The following PIEZO2 variants were observed in gnomAD, a reference collection of about 807,000 sequenced individuals.
The protein encoded by PIEZO2 is piezo type mechanosensitive ion channel component 2.
Under a neutral mutation model 337.3 loss-of-function variants are expected in PIEZO2, and 172 were observed. That is an observed-to-expected ratio of 0.51 (90% CI 0.45 to 0.58). The LOEUF (loss-of-function observed/expected upper bound fraction) is 0.58, where lower values mean the gene tolerates loss of function less well. Ranked by LOEUF, PIEZO2 falls within the 20% of genes least tolerant of loss-of-function variation. The pLI, the probability that PIEZO2 is intolerant of heterozygous loss-of-function variation, is 0.00. For missense variants in PIEZO2, 3,028 were observed against 3,391.3 expected, an observed-to-expected ratio of 0.89 and a Z score of 2.66; for synonymous variants, 1,251 against 1,228.5, an observed-to-expected ratio of 1.02 and a Z score of -0.38.
intron 1 of PIEZO2, among the ~76,000 whole-genome samples, chr18:11,124,823 C>T (rs1022126870): frequency 2.0e-5 from 3 of 152,152 alleles, no homozygotes; most frequent in African/African-American, 7.2e-5. Flanking sequence ...CCATTTTAAG[C>T]GCTGGATCGT....
rs571724271 is a variant in PIEZO2 at position 10,923,267 on chromosome 18, G to A, written c.287-12039C>T. Among the ~76,000 whole-genome samples, 17 of 152,218 alleles carry A rather than the reference G, an allele frequency of 1.1e-4. 1 individual carries two copies. In the South Asian group the frequency reaches 1.9e-3, roughly 17 times the overall value. ...TAAGACGCTTGCATAAGATTTCATC[G>A]TACTCATTCTTACATGAACTTCATG... is the stretch of plus-strand genomic sequence containing the variant. On this transcript the variant is annotated intron_variant, in intron 3 of 55. Coordinates refer to ENST00000674853, the MANE Select transcript of PIEZO2 (RefSeq NM_001378183.1).
chr18:10,961,738 T>A (rs1436390110), intron 3 of PIEZO2, among the ~76,000 whole-genome samples: 1 of 151,980 alleles, frequency 6.6e-6, no homozygotes, highest in East Asian at 1.9e-4. Context: ...GAAATCCAAC[T>A]CCACAAAGAG....
In PIEZO2 at chr18:10,832,296, C is replaced by T. The variant is rs139528425; in HGVS notation, c.917+23057G>A. Among the ~76,000 whole-genome samples the T allele has an allele frequency of 3.6e-4, 54 of 152,042 alleles. No homozygotes were observed. The East Asian group carries it at 9.5e-3, about 27-fold the overall frequency. On this transcript the variant is annotated intron_variant, in intron 7 of 55. Transcript: ENST00000674853. ...GGAAATACTCTCATTAGGCCTAGAA[C>T]ATTTCTACTTTCTCATTAGAATTTA...
intron 3 of PIEZO2, among the ~76,000 whole-genome samples, chr18:10,960,041 A>G (rs780515078): frequency 6.6e-6 from 1 of 152,162 alleles, no homozygotes; most frequent in Non-Finnish European, 1.5e-5. Flanking sequence ...CAAGTCCACA[A>G]ATTATCAAAT....
Position 10,846,401 on chromosome 18 carries a change from T to C in PIEZO2, c.917+8952A>G, listed in dbSNP as rs2041364712. 6.6e-6 allele frequency among the ~76,000 whole-genome samples: 1 copy of C among 152,118 alleles called. No individual in the cohort carries two copies. The highest frequency in any genetic ancestry group is 6.6e-5 in the Admixed American group (1 of 15,260). On this transcript the variant is annotated intron_variant, in intron 7 of 55. Coordinates refer to ENST00000674853, the MANE Select transcript of PIEZO2 (RefSeq NM_001378183.1). The surrounding 1 kb of genome is among the most constrained non-coding windows in gnomAD (Gnocchi z 4.1). ...CACCGGGGATGAGATTTGGGTGGGG[T>C]CATAGCAAAACCTATCACTTAGAGT...
At chr18:11,082,216 A>T (rs1190269711) in intron 1 of PIEZO2, among the ~76,000 whole-genome samples, 1 of 152,226 alleles carries the variant, frequency 6.6e-6, no homozygotes, top group Non-Finnish European at 1.5e-5. Context: ...TGACAACTTA[A>T]TTAGGATGGC....
chr18:10,770,927 C>T (rs888774354), intron 20 of PIEZO2, among the ~76,000 whole-genome samples: 2 of 152,080 alleles, frequency 1.3e-5, no homozygotes, highest in East Asian at 1.9e-4. Context: ...AATAGGATCT[C>T]GTCATGTTGG....
At chr18:10,778,364 G>T (rs914952027) in intron 18 of PIEZO2, among the ~76,000 whole-genome samples, 8 of 98,696 alleles carry the variant, frequency 8.1e-5, no homozygotes, top group African/African-American at 2.0e-4. Context: ...AGAGGGAGTC[G>T]CTCTGTCGCC....
At chr18:10,963,152 G>T (rs2033855569) in intron 3 of PIEZO2, among the ~76,000 whole-genome samples, 1 of 152,082 alleles carries the variant, frequency 6.6e-6, no homozygotes, top group African/African-American at 2.4e-5. Flanking sequence ...GGGCACGGTG[G>T]CATGCTTCTG....
At chr18:10,851,848 T>C (rs2041563115) in intron 7 of PIEZO2, among the ~76,000 whole-genome samples, 1 of 152,150 alleles carries the variant, frequency 6.6e-6, no homozygotes, top group Admixed American at 6.5e-5. Context: ...CTTAACTATT[T>C]ACTAAGCTTT....
At position 10,815,926 on chromosome 18, in the gene PIEZO2, T is replaced by C. The variant is rs1278228762; in HGVS notation, c.918-8652A>G. On this transcript the variant is annotated intron_variant, in intron 7 of 55. Coordinates refer to ENST00000674853, the MANE Select transcript of PIEZO2 (RefSeq NM_001378183.1). The surrounding 1 kb of genome is among the most constrained non-coding windows in gnomAD (Gnocchi z 4.1). The stretch of plus-strand genomic sequence containing the variant: ...ATTCGCTCCTTACAGGTCCACAAAA[T>C]TGCACCCAGCACACGTCAGTGGAGT... 6.6e-6 allele frequency among the ~76,000 whole-genome samples: 1 copy of C among 152,094 alleles called. No homozygotes were observed. The highest frequency in any genetic ancestry group is 1.5e-5 in the Non-Finnish European group (1 of 68,018).
At chr18:10,683,139 C>G (rs758213585) in intron 49 of PIEZO2, among the ~76,000 whole-genome samples, 16 of 152,370 alleles carry the variant, frequency 1.1e-4, no homozygotes, top group Non-Finnish European at 2.2e-4. Flanking sequence ...GGGTCAACCC[C>G]ACTCCCCGAC....
chr18:11,038,823 C>T lies in PIEZO2; in HGVS notation c.160+27304G>A, dbSNP rs866321610. On this transcript the variant is annotated intron_variant, in intron 2 of 55. Coordinates refer to ENST00000674853, the MANE Select transcript of PIEZO2 (RefSeq NM_001378183.1). The surrounding 1 kb of genome is among the most constrained non-coding windows in gnomAD (Gnocchi z 4.1). ...TAACGGTGAGACACAAATTAGATAACATATGAAACTTAAAAAATCTATAAA... is the reference window on the plus strand; with the variant it reads ...TAACGGTGAGACACAAATTAGATAATATATGAAACTTAAAAAATCTATAAA... 6.6e-6 allele frequency among the ~76,000 whole-genome samples: 1 copy of T among 152,104 alleles called. No homozygotes were observed. The highest frequency in any genetic ancestry group is 2.4e-5 in the African/African-American group (1 of 41,424).
Position 10,903,831 on chromosome 18 carries a change from T to G in PIEZO2, c.329+7355A>C, listed in dbSNP as rs1414916841. ...TGCCAATGAAGCCATTCTTCAAAACTCTGCCCAGATGTTCCCTGAAGTTAA... is the reference window on the plus strand; with the variant it reads ...TGCCAATGAAGCCATTCTTCAAAACGCTGCCCAGATGTTCCCTGAAGTTAA... On this transcript the variant is annotated intron_variant, in intron 4 of 55. Transcript: ENST00000674853. The surrounding 1 kb of genome is among the most constrained non-coding windows in gnomAD (Gnocchi z 4.1). 6.6e-6 allele frequency among the ~76,000 whole-genome samples: 1 copy of G among 152,164 alleles called. No homozygotes were observed. Among genetic ancestry groups the G allele is most frequent in the Non-Finnish European group, 1.5e-5 (1 of 68,036 alleles).
At chr18:10,913,471 C>A (rs1353348374) in intron 3 of PIEZO2, among the ~76,000 whole-genome samples, 1 of 152,078 alleles carries the variant, frequency 6.6e-6, no homozygotes, top group Admixed American at 6.6e-5. Flanking sequence ...AAACAAAGCA[C>A]CTTTTACATT....
At chr18:11,041,449 C>T (rs965862451) in intron 2 of PIEZO2, among the ~76,000 whole-genome samples, 1 of 152,012 alleles carries the variant, frequency 6.6e-6, no homozygotes, top group African/African-American at 2.4e-5. Context: ...TAGACAAAGG[C>T]ATGATTTCAA....
Position 10,696,204 on chromosome 18 carries a change from A to G in PIEZO2, c.7060T>C (p.Phe2354Leu). ...GCTCGGTCCACCACCATGGTTCCAA[A>G]CTGAATGAGGACCATCACCAAAAAC... ...GPFLVMVLIQ[F>L]GTMVVDRALY... The change falls in exon 47 of 56, where the codon TTT becomes CTT. Residue 2354 changes from phenylalanine to leucine, a missense_variant. By Grantham distance (22) the Phe-to-Leu change is conservative (BLOSUM62 0). This residue lies in a region of PIEZO2 where 179 missense variants were observed against 281.8 expected (regional missense o/e 0.64). Coordinates refer to ENST00000674853, the MANE Select transcript of PIEZO2 (RefSeq NM_001378183.1). 1 of 1,614,040 alleles carries G rather than the reference A, an allele frequency of 6.2e-7. No individual in the cohort carries two copies. Among genetic ancestry groups the G allele is most frequent in the Non-Finnish European group, 8.5e-7 (1 of 1,179,890 alleles).
intron 7 of PIEZO2, among the ~76,000 whole-genome samples, chr18:10,809,502 T>G (rs1212168558): frequency 2.0e-5 from 3 of 151,720 alleles, no homozygotes; most frequent in Non-Finnish European, 4.4e-5. Flanking sequence ...TCTCTTGACC[T>G]CGTGATCCGC....
rs1419431007 is a variant in PIEZO2, at chr18:10,863,852, A to G, written c.493-6641T>C. Among the ~76,000 whole-genome samples, 1 of 152,094 alleles carries G rather than the reference A, an allele frequency of 6.6e-6. No homozygotes were observed. The highest frequency in any genetic ancestry group is 2.4e-5 in the African/African-American group (1 of 41,404). On this transcript the variant is annotated intron_variant, in intron 5 of 55. Transcript: ENST00000674853. This position sits in a 1 kb window ranked among gnomAD's most constrained non-coding sequence, Gnocchi z 4.3. ...TGTAAAAATCACTTAATGGAACACAATCAAAACAAATCAGCAGTCACACAC... is the reference window on the plus strand; with the variant it reads ...TGTAAAAATCACTTAATGGAACACAGTCAAAACAAATCAGCAGTCACACAC...
Sources: gnomAD v4.1 joint callset for allele counts (sites outside exome capture counted in the v4.1 genomes callset) on GRCh38, gnomAD v4.1.1 for gene constraint, gnomAD v4.1.1 regional missense constraint, Gnocchi (gnomAD v3.1) non-coding constraint, MANE v1.5 for transcripts, NCBI Gene and HGNC (gene_info 2026-07-23, HGNC 2026-07-21) for gene names.